The following LRIG1 variants were observed in gnomAD, a reference collection of about 807,000 sequenced individuals.
The protein encoded by LRIG1 is leucine-rich repeats and immunoglobulin-like domains protein 1.
Under a neutral mutation model 99.2 loss-of-function variants are expected in LRIG1, and 48 were observed. The ratio of observed to expected loss-of-function variants is 0.48; its 90% confidence interval spans 0.38 to 0.62. LRIG1 has a LOEUF of 0.62. Among genes scored for constraint, LRIG1 ranks in the 20% least tolerant of loss-of-function variants. LRIG1 has a pLI of 0.00. For missense variants in LRIG1, 1,646 were observed against 1,434.4 expected (o/e 1.15, Z -2.38); for synonymous variants, 772 against 596.1 (o/e 1.29, Z -4.30).
At chr3:66,413,583 T>C (rs891621176) in intron 5 of LRIG1, among the ~76,000 whole-genome samples, 4 of 152,286 alleles carry the variant, frequency 2.6e-5, no homozygotes, top group African/African-American at 9.6e-5. Context: ...TCATATACAC[T>C]TGGCTTCTAG....
chr3:66,388,371 T>C lies in LRIG1; in HGVS notation c.1469-2070A>G, dbSNP rs545566549. 2.0e-5 allele frequency among the ~76,000 whole-genome samples: 3 copies of C among 150,746 alleles called. No homozygotes were observed. In the East Asian group the frequency reaches 5.8e-4, roughly 29 times the overall value. On this transcript the variant is annotated intron_variant, in intron 12 of 18. Transcript: ENST00000273261. ...AAATGAAAAGAACCACAGAGACTTG[T>C]GGGACAGCATCAAGCACAACAACAT...
chr3:66,414,882 T>G, intron 5 of LRIG1, 38 bp downstream of exon 5: 1 of 1,517,576 alleles, frequency 6.6e-7, no homozygotes, highest in Non-Finnish European at 8.8e-7. Context: ...CCATAAAGTT[T>G]GGCTAGCCTT....
chr3:66,475,598 A>C (rs1413620034), intron 1 of LRIG1, among the ~76,000 whole-genome samples: 1 of 152,198 alleles, frequency 6.6e-6, no homozygotes, highest in African/African-American at 2.4e-5. Context: ...ACTCTGCGAA[A>C]CTGTGCTGAC....
chr3:66,470,451 G>C (rs1168255877), intron 1 of LRIG1, among the ~76,000 whole-genome samples: 1 of 152,148 alleles, frequency 6.6e-6, no homozygotes, highest in Non-Finnish European at 1.5e-5. Flanking sequence ...GGAATGGAGG[G>C]CATGGAGTAA....
intron 12 of LRIG1, among the ~76,000 whole-genome samples, chr3:66,390,141 A>C (rs1701558738): frequency 6.6e-6 from 1 of 152,174 alleles, no homozygotes; most frequent in African/African-American, 2.4e-5. Flanking sequence ...AGAGAAAGAA[A>C]TGAAAGCCAC....
intron 3 of LRIG1, among the ~76,000 whole-genome samples, chr3:66,443,230 C>A (rs1703601811): frequency 6.6e-6 from 1 of 151,144 alleles, no homozygotes; most frequent in Non-Finnish European, 1.5e-5. Context: ...GTTCTAAGAA[C>A]TGCAACAGCG....
At chr3:66,412,727 C>T in intron 6 of LRIG1, 144 bp downstream of exon 6, 1 of 919,248 alleles carries the variant, frequency 1.1e-6, no homozygotes, top group Non-Finnish European at 1.7e-6. Context: ...CCACACCACA[C>T]AGCAATGCTG....
At chr3:66,413,047 C>G (rs745478823) in intron 5 of LRIG1, 33 bp from the exon 6 acceptor site, 3 of 1,613,404 alleles carry the variant, frequency 1.9e-6, no homozygotes, top group Non-Finnish European at 1.7e-6. Context: ...GTCAGAGTGT[C>G]TTATGTGCAT....
intron 12 of LRIG1, among the ~76,000 whole-genome samples, chr3:66,388,584 CAAAG>C (rs1484333383): frequency 6.6e-6 from 1 of 152,074 alleles, no homozygotes; most frequent in Non-Finnish European, 1.5e-5. Flanking sequence ...GTGCCAAAGA[CAAAG>C]AATCTTGAAA....
chr3:66,500,130 G>A, intron 1 of LRIG1, 60 bp downstream of exon 1: 1 of 1,363,122 alleles, frequency 7.3e-7, no homozygotes. Context: ...AACCCCCGCC[G>A]CTCCATCCCC....
At position 66,501,017 on chromosome 3, in the gene LRIG1, C is replaced by T. The variant is rs940512071; in HGVS notation, c.-610G>A. 2 of 152,556 alleles carry T rather than the reference C, an allele frequency of 1.3e-5. No homozygotes were observed. Among genetic ancestry groups the T allele is most frequent in the African/African-American group, 4.8e-5 (2 of 41,446 alleles). 9.5% of individuals were successfully genotyped at this position (152,556 alleles called of 1,614,324 possible). A position where few individuals can be genotyped will look rare whatever the true frequency, so the allele number is the denominator to read the frequency against. Reference sequence around the variant, plus strand: ...GACCTCGCAGCCGAACAATCAGCCGCTTGCTGTTCGCCTCCCCGCGGCCCA... The same window carrying T: ...GACCTCGCAGCCGAACAATCAGCCGTTTGCTGTTCGCCTCCCCGCGGCCCA... On this transcript the variant is annotated 5_prime_UTR_variant, in exon 1 of 19. Transcript: ENST00000273261.
At chr3:66,436,084 G>T (rs575422990) in intron 3 of LRIG1, among the ~76,000 whole-genome samples, 1 of 152,240 alleles carries the variant, frequency 6.6e-6, no homozygotes, top group African/African-American at 2.4e-5. Context: ...GGAAAGGGCT[G>T]AGGGCTGGGA....
chr3:66,481,460 G>T (rs113726209), intron 1 of LRIG1, among the ~76,000 whole-genome samples: 4 of 152,118 alleles, frequency 2.6e-5, no homozygotes, highest in African/African-American at 7.2e-5. Flanking sequence ...TCCCTAGGGT[G>T]GGGGGAACCA....
At chr3:66,394,971 T>C (rs1417303705) in intron 11 of LRIG1, among the ~76,000 whole-genome samples, 3 of 152,220 alleles carry the variant, frequency 2.0e-5, no homozygotes, top group Admixed American at 1.3e-4. Context: ...AAACAGAGAA[T>C]ATTTTCTTTT....
Position 66,442,100 on chromosome 3 carries a change from CACAA to C in LRIG1, c.365+9455_365+9458del, listed in dbSNP as rs1179444119. On this transcript the variant is annotated intron_variant, in intron 3 of 18. Coordinates refer to ENST00000273261, the MANE Select transcript of LRIG1 (RefSeq NM_015541.3). ...GATGTCTGACCACTACTGAACAAAA[CACAA>C]ACAGTGATTTCATGGGACTCAATAT... Among the ~76,000 whole-genome samples, 10 of 152,246 alleles carry C rather than the reference CACAA, an allele frequency of 6.6e-5. No homozygotes were observed. In the South Asian group the frequency reaches 1.2e-3, roughly 19 times the overall value.
chr3:66,380,968 T>G, intron 17 of LRIG1, 107 bp from the exon 18 acceptor site: 1 of 1,128,728 alleles, frequency 8.9e-7, no homozygotes, highest in Non-Finnish European at 1.3e-6. Context: ...GAACCCTGAC[T>G]GCAAACACTG....
At position 66,380,530 on chromosome 3, in the gene LRIG1, G is replaced by A. The variant is rs200842507; in HGVS notation, c.3056-41C>T. 1.4e-4 allele frequency: 222 copies of A among 1,613,616 alleles called. 3 individuals are homozygous for A. Among genetic ancestry groups the A allele is most frequent in the South Asian group, 1.4e-3 (123 of 91,074 alleles). ...GAACCTGTCAGACCCCCACTTGACC[G>A]TTTAAGCAGCTCCCAACCCACCTGT... On this transcript the variant is annotated intron_variant, in intron 18 of 18. Coordinates refer to ENST00000273261, the MANE Select transcript of LRIG1 (RefSeq NM_015541.3).
At chr3:66,481,046 G>A (rs1465562888) in intron 1 of LRIG1, among the ~76,000 whole-genome samples, 1 of 152,176 alleles carries the variant, frequency 6.6e-6, no homozygotes, top group African/African-American at 2.4e-5. Flanking sequence ...AAAATTTGTT[G>A]AAGTTGATTG....
chr3:66,430,608 G>C (rs937271619), intron 3 of LRIG1, among the ~76,000 whole-genome samples: 11 of 152,152 alleles, frequency 7.2e-5, no homozygotes, highest in African/African-American at 2.7e-4. Flanking sequence ...AGGGAGAAAG[G>C]CTATGCCATC....
Sources: gnomAD v4.1 joint callset for allele counts (sites outside exome capture counted in the v4.1 genomes callset) on GRCh38, gnomAD v4.1.1 for gene constraint, MANE v1.5 for transcripts, NCBI Gene and HGNC (gene_info 2026-07-23, HGNC 2026-07-21) for gene names.